The following EFCAB14 variants were observed in gnomAD, a reference collection of about 807,000 sequenced individuals.
EFCAB14 encodes EF-hand calcium binding domain 14.
A neutral mutation model predicts 56.5 loss-of-function variants in EFCAB14; 43 were observed. The ratio of observed to expected loss-of-function variants is 0.76; its 90% CI spans 0.60 to 0.98. The LOEUF (loss-of-function observed/expected upper bound fraction) is 0.98, where lower values mean the gene tolerates loss of function less well. Among genes scored for constraint, EFCAB14 ranks in the 50% least tolerant of loss-of-function variants. EFCAB14 has a pLI of 0.00. For synonymous variants in EFCAB14, 235 were observed against 212.9 expected (o/e 1.10, Z -0.90); for missense variants, 538 against 580.3 (o/e 0.93, Z 0.75).
At chr1:46,703,322 C>T (rs1170122680) in intron 3 of EFCAB14, among the ~76,000 whole-genome samples, 1 of 152,152 alleles carries the variant, frequency 6.6e-6, no homozygotes, top group Non-Finnish European at 1.5e-5. Flanking sequence ...GTTGGCCAGG[C>T]TGGTCTCGAA....
rs1364047100 is a variant in EFCAB14 at position 46,718,155 on chromosome 1, C to T, written c.-68G>A. ...AGGTTCGTACCCGATGCCCAATTCT[C>T]TTCCTGCCTTGGAGCTGCCTTCCAG... On this transcript the variant is annotated 5_prime_UTR_variant, in exon 1 of 11. Transcript: ENST00000371933. 2 of 1,538,044 alleles carry T rather than the reference C, an allele frequency of 1.3e-6. No homozygotes were observed. The highest frequency in any genetic ancestry group is 1.8e-6 in the Non-Finnish European group (2 of 1,128,596).
In EFCAB14 at chr1:46,718,550, A is replaced by G. The variant is rs542738281; in HGVS notation, c.-463T>C. The G allele has an allele frequency of 6.5e-6, 1 of 153,602 alleles. No homozygotes were observed. Among genetic ancestry groups the G allele is most frequent in the South Asian group, 2.0e-4 (1 of 5,004 alleles). 9.5% of individuals were successfully genotyped at this position (153,602 alleles called of 1,614,324 possible). On this transcript the variant is annotated 5_prime_UTR_variant, in exon 1 of 11. Transcript: ENST00000371933. Reference sequence around the variant, plus strand: ...GATTTCCAATGGAGAGGGAAGAGAAACTCGTTCTTGAATGGGAAGAGAGTG... The same window carrying G: ...GATTTCCAATGGAGAGGGAAGAGAAGCTCGTTCTTGAATGGGAAGAGAGTG...
intron 2 of EFCAB14, among the ~76,000 whole-genome samples, chr1:46,713,268 C>T (rs866163055): frequency 2.6e-5 from 4 of 152,068 alleles, no homozygotes; most frequent in African/African-American, 7.2e-5. Flanking sequence ...TCTATTGTAG[C>T]GAATCAAAGC....
intron 4 of EFCAB14, among the ~76,000 whole-genome samples, chr1:46,695,244 CT>C: frequency 6.6e-6 from 1 of 152,122 alleles, no homozygotes; most frequent in Non-Finnish European, 1.5e-5. Context: ...AACCAGTTTC[CT>C]TTTCTAATGC....
Position 46,718,202 on chromosome 1 carries a change from G to C in EFCAB14, c.-115C>G. ...CCAGGGTTGGGAATCCTGGGCCAGAGCCCCCTGGTCACTCCCACCTAGGGG... is the reference window on the plus strand; with the variant it reads ...CCAGGGTTGGGAATCCTGGGCCAGACCCCCCTGGTCACTCCCACCTAGGGG... On this transcript the variant is annotated 5_prime_UTR_variant, in exon 1 of 11. Coordinates refer to ENST00000371933, the MANE Select transcript of EFCAB14 (RefSeq NM_014774.3). 8.7e-7 allele frequency: 1 copy of C among 1,149,398 alleles called. No homozygotes were observed. The highest frequency in any genetic ancestry group is 1.2e-6 in the Non-Finnish European group (1 of 811,690). The allele number at this position is 1,149,398 out of a possible 1,614,324, so 71.2% of individuals were successfully genotyped here. A position where few individuals can be genotyped will look rare whatever the true frequency, so the allele number is the denominator to read the frequency against.
At chr1:46,712,099 CA>C in intron 2 of EFCAB14, among the ~76,000 whole-genome samples, 1 of 152,324 alleles carries the variant, frequency 6.6e-6, no homozygotes, top group Non-Finnish European at 1.5e-5. Context: ...GCTAGTTTTG[CA>C]AAGCCAGAAT....
intron 2 of EFCAB14, among the ~76,000 whole-genome samples, chr1:46,708,866 T>A (rs549295811): frequency 6.6e-6 from 1 of 152,324 alleles, no homozygotes; most frequent in African/African-American, 2.4e-5. Flanking sequence ...CTTTCTCTTC[T>A]TTCTTTAAAG....
intron 2 of EFCAB14, among the ~76,000 whole-genome samples, chr1:46,708,417 TTAA>T (rs1364023363): frequency 2.0e-5 from 3 of 152,184 alleles, no homozygotes; most frequent in African/African-American, 4.8e-5. Flanking sequence ...CACAGGACTG[TTAA>T]TATTAAGTGA....
intron 9 of EFCAB14, 165 bp downstream of exon 9, chr1:46,684,326 G>T: frequency 1.7e-6 from 1 of 591,402 alleles, no homozygotes. Flanking sequence ...TGTACAAAAT[G>T]GGCCTTTTCT....
intron 4 of EFCAB14, among the ~76,000 whole-genome samples, chr1:46,693,209 A>T (rs916982044): frequency 6.6e-5 from 10 of 152,144 alleles, no homozygotes; most frequent in Admixed American, 6.5e-4. Flanking sequence ...GCCATGTTTT[A>T]AAAAAAGCCT....
intron 2 of EFCAB14, among the ~76,000 whole-genome samples, chr1:46,708,418 TAATATTA>T (rs1424273265): frequency 6.6e-6 from 1 of 152,154 alleles, no homozygotes; most frequent in Non-Finnish European, 1.5e-5. Context: ...ACAGGACTGT[TAATATTA>T]AGTGAGAGAA....
chr1:46,686,937 C>T, intron 7 of EFCAB14, 67 bp from the exon 8 acceptor site: 2 of 1,452,542 alleles, frequency 1.4e-6, no homozygotes, highest in Non-Finnish European at 1.9e-6. Flanking sequence ...AACTTGAACA[C>T]CTAGCACTTT....
At position 46,677,366 on chromosome 1, in the gene EFCAB14, T is replaced by G. The variant is rs1336396540; in HGVS notation, c.*1095A>C. On this transcript the variant is annotated 3_prime_UTR_variant, in exon 11 of 11. Coordinates refer to ENST00000371933, the MANE Select transcript of EFCAB14 (RefSeq NM_014774.3). Reference sequence around the variant, plus strand: ...CACATGTTTCATCTCACAGCCTTTTTGGCTTTAGTCATCCCCCAGAGAAAC... The same window carrying G: ...CACATGTTTCATCTCACAGCCTTTTGGGCTTTAGTCATCCCCCAGAGAAAC... 1 of 152,238 alleles carries G rather than the reference T, an allele frequency of 6.6e-6. No homozygotes were observed. The highest frequency in any genetic ancestry group is 1.5e-5 in the Non-Finnish European group (1 of 68,046). 9.4% of individuals were successfully genotyped at this position (152,238 alleles called of 1,614,324 possible).
chr1:46,691,687 GAACA>G, intron 5 of EFCAB14, 136 bp downstream of exon 5: 1 of 520,904 alleles, frequency 1.9e-6, no homozygotes, highest in Admixed American at 3.8e-5. Context: ...ACAAATTGTA[GAACA>G]ATCAATGTAT....
intron 5 of EFCAB14, among the ~76,000 whole-genome samples, chr1:46,690,274 T>C (rs552742952): frequency 6.6e-6 from 1 of 152,322 alleles, no homozygotes; most frequent in African/African-American, 2.4e-5. Flanking sequence ...GACTGAAGTA[T>C]AACATGTTTA....
chr1:46,704,378 G>A (rs1201863641), intron 3 of EFCAB14, among the ~76,000 whole-genome samples: 1 of 151,732 alleles, frequency 6.6e-6, no homozygotes, highest in African/African-American at 2.4e-5. Flanking sequence ...CAGAGACTGA[G>A]GTGGGAGGAT....
rs1460418203 is a variant in EFCAB14 at position 46,708,002 on chromosome 1, T to C, written c.384A>G (p.Glu128=). 1 of 1,612,896 alleles carries C rather than the reference T, an allele frequency of 6.2e-7. No homozygotes were observed. The highest frequency in any genetic ancestry group is 8.5e-7 in the Non-Finnish European group (1 of 1,179,716). ...GTTGTTTTTGCTTGCTGAGTAGTTCTTCATTAAGTTTGGGGATTTCTTGGA... is the reference window on the plus strand; with the variant it reads ...GTTGTTTTTGCTTGCTGAGTAGTTCCTCATTAAGTTTGGGGATTTCTTGGA... ...SSFQEIPKLN[E]ELLSKQKQLE... Residue 128 remains glutamate, a synonymous_variant, in exon 3 of 11, where the codon GAA becomes GAG. Transcript: ENST00000371933.
Position 46,696,561 on chromosome 1 carries a change from C to T in EFCAB14, c.569G>A (p.Gly190Glu), listed in dbSNP as rs756727843. 16 of 1,613,356 alleles carry T rather than the reference C, an allele frequency of 9.9e-6. No homozygotes were observed. In the East Asian group the frequency reaches 2.7e-4, roughly 27 times the overall value. Reference sequence around the variant, plus strand: ...ACACATGGCACCTACCTTCTGAAGTCCCTCTACAGTGGTAGGCAGGCTAAT... The same window carrying T: ...ACACATGGCACCTACCTTCTGAAGTTCCTCTACAGTGGTAGGCAGGCTAAT... Reference protein sequence around the residue: ...DLISLPTTVEGLQKSVASIGN... With the variant: ...DLISLPTTVEELQKSVASIGN... The change falls in exon 4 of 11, where the codon GGA (glycine) becomes GAA (glutamate). Residue 190 changes from glycine (G) to glutamate (E), a missense_variant. Physicochemically the swap from Gly to Glu is moderately conservative, Grantham distance 98 (BLOSUM62 -2). Transcript: ENST00000371933.
In EFCAB14 at chr1:46,718,326, G is replaced by A. The variant is rs1387183249; in HGVS notation, c.-239C>T. On this transcript the variant is annotated 5_prime_UTR_variant, in exon 1 of 11. Coordinates refer to ENST00000371933, the MANE Select transcript of EFCAB14 (RefSeq NM_014774.3). Reference sequence around the variant, plus strand: ...ATCACATAGAAATGGCCAAGGAGCTGGTGACCCCAAAGGATAAGGCCTTGG... The same window carrying A: ...ATCACATAGAAATGGCCAAGGAGCTAGTGACCCCAAAGGATAAGGCCTTGG... 2.1e-6 allele frequency: 1 copy of A among 478,456 alleles called. No homozygotes were observed. Among genetic ancestry groups the A allele is most frequent in the East Asian group, 3.4e-5 (1 of 29,088 alleles). 29.6% of individuals were successfully genotyped at this position (478,456 alleles called of 1,614,324 possible).
Sources: gnomAD v4.1 joint callset for allele counts (sites outside exome capture counted in the v4.1 genomes callset) on GRCh38, gnomAD v4.1.1 for gene constraint, MANE v1.5 for transcripts, NCBI Gene and HGNC (gene_info 2026-07-23, HGNC 2026-07-21) for gene names.